The following NBPF11 variants were observed in gnomAD, a reference collection of about 807,000 sequenced individuals.
The protein encoded by NBPF11 is NBPF member 11, also known as NBPF family member NBPF11.
A neutral mutation model predicts 93.9 loss-of-function variants in NBPF11; 72 were observed. That is an observed-to-expected ratio of 0.77 (90% CI 0.63 to 0.93). NBPF11 has a LOEUF of 0.93. Ranked by LOEUF, NBPF11 falls within the 40% of genes least tolerant of loss-of-function variation. The probability of loss-of-function intolerance (pLI) is 0.00; values close to 1 mark genes in which losing one functional copy is unlikely to be tolerated. For synonymous variants in NBPF11, 224 were observed against 304.9 expected, an observed-to-expected ratio of 0.73 and a Z score of 2.76; for missense variants, 705 against 802.2, an observed-to-expected ratio of 0.88 and a Z score of 1.46.
chr1:148,150,884 T>C lies in NBPF11; in HGVS notation c.-549+866A>G, dbSNP rs3992753. Among the ~76,000 whole-genome samples, 81 of 151,746 alleles carry C rather than the reference T, an allele frequency of 5.3e-4. 1 individual carries two copies. The highest frequency in any genetic ancestry group is 1.1e-3 in the Non-Finnish European group (72 of 67,984). On this transcript the variant is annotated intron_variant, in intron 1 of 23. Transcript: ENST00000682118. ...CTGGGACTACAGGCACCTGCCACCA[T>C]GCCCGGCTAATTTTTTGTATTTTCA...
Position 148,120,727 on chromosome 1 carries a change from C to T in NBPF11, c.779-17G>A. On this transcript the variant is annotated splice_polypyrimidine_tract_variant and intron_variant, in intron 9 of 23. Transcript: ENST00000682118. ...GGCCAGGGACTGGGGAGAAGAAAGG[C>T]AAACATATGATGGGTTAAAAACTGG... The T allele has an allele frequency of 6.8e-7, 1 of 1,475,548 alleles. No individual in the cohort carries two copies. The highest frequency in any genetic ancestry group is 2.3e-5 in the East Asian group (1 of 44,106). The allele number at this position is 1,475,548 out of a possible 1,614,324, so 91.4% of individuals were successfully genotyped here. A position where few individuals can be genotyped will look rare whatever the true frequency, so the allele number is the denominator to read the frequency against.
intron 2 of NBPF11, among the ~76,000 whole-genome samples, chr1:148,138,116 A>AGAGGTCCC: frequency 1.3e-5 from 2 of 149,636 alleles, no homozygotes; most frequent in African/African-American, 5.0e-5. Flanking sequence ...TCTCTGCATC[A>AGAGGTCCC]TAAACAAGGT....
chr1:148,111,959 C>T (rs1219889195), intron 15 of NBPF11, among the ~76,000 whole-genome samples: 1 of 150,590 alleles, frequency 6.6e-6, no homozygotes, highest in East Asian at 2.0e-4. Context: ...GTCAGATTCA[C>T]CAAGGTTGAA....
At chr1:148,109,179 G>A in intron 17 of NBPF11, 105 bp downstream of exon 17, 1 of 912,198 alleles carries the variant, frequency 1.1e-6, no homozygotes, top group Non-Finnish European at 1.8e-6. Context: ...ATTCAGACTT[G>A]TCTGACAAGA....
At chr1:148,116,837 C>A (rs1194834074) in intron 12 of NBPF11, among the ~76,000 whole-genome samples, 1 of 151,812 alleles carries the variant, frequency 6.6e-6, no homozygotes, top group East Asian at 1.9e-4. Context: ...CCCCATCCTG[C>A]CAGATCTGAT....
chr1:148,149,804 A>T (rs1438733803), intron 1 of NBPF11, among the ~76,000 whole-genome samples: 3 of 151,364 alleles, frequency 2.0e-5, no homozygotes, highest in Non-Finnish European at 4.4e-5. Context: ...AAAAAAAAAG[A>T]TTTAACAGGC....
At chr1:148,121,946 C>T (rs1667969413) in intron 9 of NBPF11, 109 bp downstream of exon 9, 7 of 909,590 alleles carry the variant, frequency 7.7e-6, no homozygotes, top group African/African-American at 3.2e-5. Flanking sequence ...CTAGCTCCAT[C>T]CTAGTTTCTG....
chr1:148,146,820 C>T, intron 1 of NBPF11: 3 of 1,613,716 alleles, frequency 1.9e-6, no homozygotes, highest in Middle Eastern at 1.7e-4. Flanking sequence ...ACTGCAACAT[C>T]TTCACCTACG....
intron 1 of NBPF11, among the ~76,000 whole-genome samples, chr1:148,148,211 G>A (rs1553277271): frequency 0.13 from 20,003 of 151,774 alleles, 235 homozygotes; most frequent in East Asian, 0.25. Context: ...GCTGCCAGGA[G>A]GCTGGGATTC....
chr1:148,147,557 C>G (rs71337055), intron 1 of NBPF11, among the ~76,000 whole-genome samples: 1 of 151,996 alleles, frequency 6.6e-6, no homozygotes, highest in Non-Finnish European at 1.5e-5. Flanking sequence ...GGAGACCCGG[C>G]TGGGCCTCTG....
Position 148,148,789 on chromosome 1 carries a change from C to T in NBPF11, c.-549+2961G>A, listed in dbSNP as rs1218675364. 1.4e-3 allele frequency among the ~76,000 whole-genome samples: 218 copies of T among 152,018 alleles called. 1 individual carries two copies. The highest frequency in any genetic ancestry group is 5.0e-3 in the African/African-American group (208 of 41,344). On this transcript the variant is annotated intron_variant, in intron 1 of 23. Transcript: ENST00000682118. ...CTAACCCGGGCAGGAAGGTATGAAG[C>T]ATTCAGGATGTGGGGGCCACACAGT...
chr1:148,130,893 C>A (rs1670211668), intron 4 of NBPF11, among the ~76,000 whole-genome samples: 2 of 151,852 alleles, frequency 1.3e-5, no homozygotes, highest in Non-Finnish European at 2.9e-5. Context: ...TACCTGTGTT[C>A]TTTTGTGTCT....
At chr1:148,104,495 G>A in intron 23 of NBPF11, 42 bp downstream of exon 23, 4 of 585,728 alleles carry the variant, frequency 6.8e-6, no homozygotes, top group Non-Finnish European at 1.2e-5. Flanking sequence ...TTGCCTCCAG[G>A]TGTTAACACA....
intron 1 of NBPF11, chr1:148,146,643 G>A: frequency 1.9e-6 from 3 of 1,611,534 alleles, no homozygotes; most frequent in South Asian, 2.2e-5. Flanking sequence ...AGCGCGAGCT[G>A]GACACCATCG....
chr1:148,127,510 ACT>A (rs1406781113), intron 4 of NBPF11, among the ~76,000 whole-genome samples: 1 of 85,624 alleles, frequency 1.2e-5, no homozygotes, highest in Non-Finnish European at 2.3e-5. Flanking sequence ...CATATTCCTC[ACT>A]GTTTATCTCT....
At position 148,110,354 on chromosome 1, in the gene NBPF11, T is replaced by C. The variant is rs1553268393; in HGVS notation, c.1801+24A>G. 250 of 1,571,892 alleles carry C rather than the reference T, an allele frequency of 1.6e-4. 4 individuals carry two copies. The South Asian group carries it at 2.6e-3, about 17-fold the overall frequency. ...ACCTGGGCCATGAACTGGAGCTTTATCACCTTCACAATGGAGTACTCACTG... is the reference window on the plus strand; with the variant it reads ...ACCTGGGCCATGAACTGGAGCTTTACCACCTTCACAATGGAGTACTCACTG... On this transcript the variant is annotated intron_variant, in intron 16 of 23. Coordinates refer to ENST00000682118, the MANE Select transcript of NBPF11 (RefSeq NM_001385469.3).
At chr1:148,126,126 G>T (rs1428195086) in intron 5 of NBPF11, among the ~76,000 whole-genome samples, 1 of 151,570 alleles carries the variant, frequency 6.6e-6, no homozygotes, top group Admixed American at 6.6e-5. Flanking sequence ...TCAGCCTCCC[G>T]ATTAGTGGTG....
In NBPF11 at chr1:148,105,721, G is replaced by GACACACACACACAC. The variant is rs781939834; in HGVS notation, c.2304-207_2304-194dup. Reference sequence around the variant, plus strand: ...TGGAAAAGAATGAAAGAGAAAGACAGACACACACACACACACACACACACA... The same window carrying GACACACACACACAC: ...TGGAAAAGAATGAAAGAGAAAGACAGACACACACACACACACACACACACACACACACACACACA... On this transcript the variant is annotated intron_variant, in intron 21 of 23. Coordinates refer to ENST00000682118, the MANE Select transcript of NBPF11 (RefSeq NM_001385469.3). Among the ~76,000 whole-genome samples, 149 of 95,960 alleles carry GACACACACACACAC rather than the reference G, an allele frequency of 1.6e-3. 1 individual carries two copies. The highest frequency in any genetic ancestry group is 6.8e-3 in the African/African-American group (122 of 17,868). The allele number at this position is 95,960 out of a possible 152,430, so 63.0% of individuals were successfully genotyped here.
In NBPF11 at chr1:148,142,777, C is replaced by T. The variant is rs1353937013; in HGVS notation, c.-277+638G>A. Among the ~76,000 whole-genome samples, 5 of 151,900 alleles carry T rather than the reference C, an allele frequency of 3.3e-5. No individual in the cohort carries two copies. The South Asian group carries it at 8.3e-4, about 25-fold the overall frequency. The stretch of plus-strand genomic sequence containing the variant: ...CCCATGAATGGTCAGTGAAAGAAGG[C>T]GTCCACCACAAGGTCCTGGGGAACC... On this transcript the variant is annotated intron_variant, in intron 2 of 23. Transcript: ENST00000682118.
Sources: gnomAD v4.1 joint callset for allele counts (sites outside exome capture counted in the v4.1 genomes callset) on GRCh38, gnomAD v4.1.1 for gene constraint, MANE v1.5 for transcripts, NCBI Gene and HGNC (gene_info 2026-07-23, HGNC 2026-07-21) for gene names.